HIVEP3: variants seen among roughly 807,000 people sequenced by gnomAD.
HIVEP3 encodes the protein transcription factor HIVEP3.
In HIVEP3, 49 loss-of-function variants were observed where a neutral mutation model predicts 152.8. That is an observed-to-expected ratio of 0.32 (90% CI 0.26 to 0.41). The LOEUF is 0.41. Among genes scored for constraint, HIVEP3 ranks in the 10% least tolerant of loss-of-function variants. The pLI, the probability that HIVEP3 is intolerant of heterozygous loss-of-function variation, is 1.00. For missense variants in HIVEP3, 2,790 were observed against 3,103.3 expected (o/e 0.90, Z 2.40); for synonymous variants, 1,269 against 1,289.0 (o/e 0.98, Z 0.33).
At chr1:41,864,731 C>CA (rs1156253490) in intron 1 of HIVEP3, 1 of 152,266 alleles carries the variant, frequency 6.6e-6, no homozygotes, top group African/African-American at 2.4e-5. Flanking sequence ...CCCATGGAAA[C>CA]ACTCTGGATA....
chr1:41,930,087 A>G (rs1644989155), intron 1 of HIVEP3, among the ~76,000 whole-genome samples: 1 of 152,062 alleles, frequency 6.6e-6, no homozygotes, highest in African/African-American at 2.4e-5. Context: ...TACACGTGCA[A>G]TGCAGTTAGA....
chr1:41,609,682 C>T (rs1310643625), intron 3 of HIVEP3, among the ~76,000 whole-genome samples: 1 of 152,266 alleles, frequency 6.6e-6, no homozygotes, highest in Admixed American at 6.5e-5. Context: ...TCACCTCTCT[C>T]ATTCCCTCCA....
At chr1:41,702,530 A>G (rs1312462940) in intron 1 of HIVEP3, among the ~76,000 whole-genome samples, 3 of 152,220 alleles carry the variant, frequency 2.0e-5, no homozygotes, top group Non-Finnish European at 4.4e-5. Context: ...ATTGAATTGT[A>G]ATGACTAAAT....
chr1:41,666,478 G>A (rs549961726), intron 2 of HIVEP3, among the ~76,000 whole-genome samples: 1 of 152,270 alleles, frequency 6.6e-6, no homozygotes, highest in East Asian at 1.9e-4. Flanking sequence ...AAGGGCTGCT[G>A]GGAAGTTTTG....
Position 41,510,746 on chromosome 1 carries a change from C to A in HIVEP3, c.6926G>T (p.Cys2309Phe). 6.3e-7 allele frequency: 1 copy of A among 1,575,838 alleles called. No individual in the cohort carries two copies. The highest frequency in any genetic ancestry group is 8.6e-7 in the Non-Finnish European group (1 of 1,161,034). The change falls in exon 9 of 9, where the codon TGC (cysteine) becomes TTC (phenylalanine). Residue 2309 changes from cysteine to phenylalanine, a missense_variant. Transcript: ENST00000372583. ...CCGGGGCAAGGTGTCGGGTGGGGTG[C>A]AGGGGCTGTGCGTGGGTGTGGGCTC... ...PAEPTPTHSPCTPPDTLPRPP... is the reference protein window; with the variant it reads ...PAEPTPTHSPFTPPDTLPRPP...
At chr1:42,007,681 T>G (rs1388941250) in intron 1 of HIVEP3, among the ~76,000 whole-genome samples, 2 of 152,226 alleles carry the variant, frequency 1.3e-5, no homozygotes, top group African/African-American at 4.8e-5. Flanking sequence ...AAGTGCACAC[T>G]GTTCACCAGA....
chr1:41,745,257 C>T (rs1440239726), intron 1 of HIVEP3, among the ~76,000 whole-genome samples: 1 of 152,148 alleles, frequency 6.6e-6, no homozygotes, highest in African/African-American at 2.4e-5. Flanking sequence ...AGGTCACTGC[C>T]CCCACAGATC....
chr1:41,990,448 T>A (rs1373150605), intron 1 of HIVEP3, among the ~76,000 whole-genome samples: 5 of 148,880 alleles, frequency 3.4e-5, no homozygotes, highest in Non-Finnish European at 7.5e-5. Flanking sequence ...CAAGAAGAGC[T>A]AACTATCCTA....
At position 41,509,802 on chromosome 1, in the gene HIVEP3, A is replaced by C. The variant is rs1157731635; in HGVS notation, c.*649T>G. 1 of 142,476 alleles carries C rather than the reference A, an allele frequency of 7.0e-6. No individual in the cohort carries two copies. Among genetic ancestry groups the C allele is most frequent in the African/African-American group, 2.6e-5 (1 of 39,112 alleles). The allele number at this position is 142,476 out of a possible 1,614,324, so 8.8% of individuals were successfully genotyped here. A position where few individuals can be genotyped will look rare whatever the true frequency, so the allele number is the denominator to read the frequency against. Reference sequence around the variant, plus strand: ...TATTTTGTGTTGAAATCCTAGGAAAAGTATCATTTTATTTTCTTGCAAAAA... The same window carrying C: ...TATTTTGTGTTGAAATCCTAGGAAACGTATCATTTTATTTTCTTGCAAAAA... On this transcript the variant is annotated 3_prime_UTR_variant, in exon 9 of 9. Transcript: ENST00000372583.
intron 5 of HIVEP3, among the ~76,000 whole-genome samples, chr1:41,574,194 C>CAAT (rs1224791803): frequency 1.3e-5 from 2 of 152,074 alleles, no homozygotes; most frequent in Non-Finnish European, 2.9e-5. Context: ...GAGGGCCAGT[C>CAAT]GCTGTGAGCA....
intron 3 of HIVEP3, among the ~76,000 whole-genome samples, chr1:41,624,573 C>G (rs1456654979): frequency 6.6e-6 from 1 of 152,174 alleles, no homozygotes; most frequent in African/African-American, 2.4e-5. Flanking sequence ...AAATTCAGGA[C>G]TCTATATGCG....
At chr1:41,689,514 G>C (rs1184889988) in intron 2 of HIVEP3, among the ~76,000 whole-genome samples, 1 of 152,152 alleles carries the variant, frequency 6.6e-6, no homozygotes, top group Non-Finnish European at 1.5e-5. Flanking sequence ...CATTTCACGG[G>C]AGAGAGTCCC....
At chr1:41,528,819 T>A (rs2149059500) in intron 5 of HIVEP3, among the ~76,000 whole-genome samples, 1 of 65,648 alleles carries the variant, frequency 1.5e-5, no homozygotes, top group Admixed American at 1.6e-4. Flanking sequence ...CTCCACACCT[T>A]GCCTTCACAC....
intron 1 of HIVEP3, among the ~76,000 whole-genome samples, chr1:41,945,283 A>G (rs1421189333): frequency 2.0e-5 from 3 of 152,324 alleles, no homozygotes; most frequent in South Asian, 4.1e-4. Flanking sequence ...AAGAGTGCCA[A>G]TAGTCTCCAA....
chr1:41,961,084 T>C (rs1435240818), intron 1 of HIVEP3, among the ~76,000 whole-genome samples: 3 of 152,212 alleles, frequency 2.0e-5, no homozygotes, highest in African/African-American at 7.2e-5. Flanking sequence ...ACCTTCCACT[T>C]GGTCCTCTGC....
intron 1 of HIVEP3, among the ~76,000 whole-genome samples, chr1:41,878,825 C>T (rs1323210091): frequency 6.7e-6 from 1 of 149,152 alleles, no homozygotes. Flanking sequence ...TTCTTCCCTC[C>T]CTTCCTTCCT....
intron 1 of HIVEP3, among the ~76,000 whole-genome samples, chr1:42,016,387 G>A (rs1645523232): frequency 6.6e-6 from 1 of 151,938 alleles, no homozygotes; most frequent in Non-Finnish European, 1.5e-5. Context: ...GTAATATACA[G>A]ACAAAATTTA....
rs369916139 is a variant in HIVEP3 at position 41,608,754 on chromosome 1, T to A, written c.-522+19995A>T. On this transcript the variant is annotated intron_variant, in intron 3 of 8. Transcript: ENST00000372583. Reference sequence around the variant, plus strand: ...GATGACTTCCTATCTTGTTTTCTAATGCTGTTATGATGTCATCCTTTCAAA... The same window carrying A: ...GATGACTTCCTATCTTGTTTTCTAAAGCTGTTATGATGTCATCCTTTCAAA... Among the ~76,000 whole-genome samples the A allele has an allele frequency of 6.9e-4, 105 of 152,282 alleles. 3 individuals carry two copies. In the South Asian group the frequency reaches 0.018, roughly 26 times the overall value.
intron 1 of HIVEP3, among the ~76,000 whole-genome samples, chr1:41,780,034 G>A (rs1481592832): frequency 6.6e-6 from 1 of 152,196 alleles, no homozygotes; most frequent in Non-Finnish European, 1.5e-5. Flanking sequence ...ACAAATCACG[G>A]AGAGATTGGC....
Sources: allele counts gnomAD v4.1 joint callset (sites outside exome capture counted in the v4.1 genomes callset), GRCh38; gene constraint gnomAD v4.1.1; transcripts MANE v1.5; gene names NCBI Gene and HGNC (gene_info 2026-07-23, HGNC 2026-07-21).